Variants in DPP10 observed in about 807,000 individuals in gnomAD.
DPP10 encodes dipeptidyl peptidase like 10.
DPP10 carries 33 observed loss-of-function variants against 120.9 expected under a neutral mutation model. The ratio of observed to expected loss-of-function variants is 0.27; its 90% CI spans 0.21 to 0.37. The LOEUF is 0.37. Ranked by LOEUF, DPP10 falls within the 10% of genes least tolerant of loss-of-function variation. The probability of loss-of-function intolerance (pLI) is 1.00; values close to 1 mark genes in which losing one functional copy is unlikely to be tolerated. For synonymous variants in DPP10, 337 were observed against 326.1 expected, an observed-to-expected ratio of 1.03 and a Z score of -0.36; for missense variants, 816 against 942.8, an observed-to-expected ratio of 0.87 and a Z score of 1.76.
Position 114,663,271 on chromosome 2 carries a change from T to TATATATATATATAC in DPP10, c.60+220434_60+220435insTATATATATATACA, listed in dbSNP as rs375462897. On this transcript the variant is annotated intron_variant, in intron 1 of 25. Coordinates refer to ENST00000410059, the MANE Select transcript of DPP10 (RefSeq NM_020868.6). ...ATATATATATATATCTATATATATATACACACACATATATGTATACATATA... is the reference window on the plus strand; with the variant it reads ...ATATATATATATATCTATATATATATATATATATATATACACACACACATATATGTATACATATA... 3.5e-3 allele frequency among the ~76,000 whole-genome samples: 518 copies of TATATATATATATAC among 147,158 alleles called. 6 individuals are homozygous for TATATATATATATAC. The highest frequency in any genetic ancestry group is 9.2e-3 in the East Asian group (45 of 4,882).
At chr2:114,497,155 G>C (rs571051579) in intron 1 of DPP10, among the ~76,000 whole-genome samples, 2 of 143,168 alleles carry the variant, frequency 1.4e-5, no homozygotes, top group African/African-American at 5.7e-5. Flanking sequence ...GTGTATACAT[G>C]TAGGTGTACA....
chr2:115,486,297 T>A (rs1459619053), intron 3 of DPP10, among the ~76,000 whole-genome samples: 1 of 152,102 alleles, frequency 6.6e-6, no homozygotes, highest in Non-Finnish European at 1.5e-5. Flanking sequence ...TCCATTCAAC[T>A]GAAATGCTAA....
intron 3 of DPP10, chr2:115,468,957 C>G (rs1346560358): frequency 5.5e-6 from 1 of 180,906 alleles, no homozygotes; most frequent in East Asian, 1.8e-4. Flanking sequence ...TTCATAGATA[C>G]TTTTTTTTTT....
chr2:115,271,990 A>G (rs2059718568), intron 1 of DPP10, among the ~76,000 whole-genome samples: 1 of 152,334 alleles, frequency 6.6e-6, no homozygotes, highest in African/African-American at 2.4e-5. Context: ...AGAATGCTCA[A>G]TATGAGCATA....
At chr2:115,063,949 C>T (rs1344081034) in intron 1 of DPP10, among the ~76,000 whole-genome samples, 3 of 151,996 alleles carry the variant, frequency 2.0e-5, no homozygotes, top group Non-Finnish European at 4.4e-5. Flanking sequence ...TTGTCTCATT[C>T]ATCTTTTTTT....
chr2:115,236,854 A>G (rs954745758), intron 1 of DPP10, among the ~76,000 whole-genome samples: 2 of 152,164 alleles, frequency 1.3e-5, no homozygotes, highest in African/African-American at 4.8e-5. Flanking sequence ...CCTGTTAAGG[A>G]AAATAGTGTT....
intron 1 of DPP10, among the ~76,000 whole-genome samples, chr2:114,963,688 G>C (rs1254602054): frequency 6.6e-6 from 1 of 152,118 alleles, no homozygotes; most frequent in Non-Finnish European, 1.5e-5. Flanking sequence ...GTCTCAGCAG[G>C]GGCTGAGCTA....
chr2:115,167,711 T>A (rs553259375), intron 1 of DPP10, among the ~76,000 whole-genome samples: 1 of 152,288 alleles, frequency 6.6e-6, no homozygotes, highest in East Asian at 1.9e-4. Flanking sequence ...TTAGTATGAT[T>A]ACACATGAGT....
chr2:115,375,819 CAGA>C (rs2065752080), intron 3 of DPP10, among the ~76,000 whole-genome samples: 1 of 152,268 alleles, frequency 6.6e-6, no homozygotes, highest in South Asian at 2.1e-4. Context: ...TTTAAACCAT[CAGA>C]ACTCATGAGA....
intron 1 of DPP10, among the ~76,000 whole-genome samples, chr2:114,538,336 C>T (rs1188794331): frequency 1.3e-5 from 2 of 152,108 alleles, no homozygotes; most frequent in African/African-American, 4.8e-5. Context: ...TTTGTTATCC[C>T]ATCAGCTCAG....
At chr2:115,802,581 T>C (rs2149979304) in intron 19 of DPP10, among the ~76,000 whole-genome samples, 1 of 152,330 alleles carries the variant, frequency 6.6e-6, no homozygotes, top group East Asian at 1.9e-4. Flanking sequence ...GCTATAAATT[T>C]CCCTCTACAC....
intron 1 of DPP10, among the ~76,000 whole-genome samples, chr2:115,193,240 T>A (rs1230423389): frequency 2.0e-5 from 3 of 152,214 alleles, no homozygotes; most frequent in Non-Finnish European, 4.4e-5. Flanking sequence ...TCCCTTTTTT[T>A]AAACAACCAG....
At chr2:115,194,721 T>A (rs990313452) in intron 1 of DPP10, among the ~76,000 whole-genome samples, 6 of 152,152 alleles carry the variant, frequency 3.9e-5, no homozygotes, top group Admixed American at 1.3e-4. Flanking sequence ...AATTCTAAAA[T>A]TTTTTAAGTT....
At chr2:114,889,478 A>C (rs199691904) in intron 1 of DPP10, among the ~76,000 whole-genome samples, 26,450 of 151,612 alleles carry the variant, frequency 0.17, 2,865 homozygotes, top group East Asian at 0.25. Context: ...TGAACCTAGC[A>C]AAATTATCAC....
chr2:114,947,706 A>C (rs1483529197), intron 1 of DPP10, among the ~76,000 whole-genome samples: 1 of 152,024 alleles, frequency 6.6e-6, no homozygotes, highest in Admixed American at 6.6e-5. Context: ...TAGTTAGATG[A>C]CATTTCTGAG....
chr2:115,751,959 C>G (rs964348441), intron 10 of DPP10, among the ~76,000 whole-genome samples: 3 of 139,720 alleles, frequency 2.1e-5, no homozygotes, highest in African/African-American at 8.1e-5. Context: ...CCACAACACC[C>G]GGCTAATTTT....
intron 1 of DPP10, among the ~76,000 whole-genome samples, chr2:114,590,680 G>A (rs1011582121): frequency 8.5e-5 from 13 of 152,132 alleles, no homozygotes; most frequent in Non-Finnish European, 1.9e-4. Context: ...GGAAAGAGAG[G>A]CATAGTACAG....
intron 5 of DPP10, among the ~76,000 whole-genome samples, chr2:115,536,653 G>C: frequency 1.3e-5 from 2 of 152,104 alleles, no homozygotes; most frequent in Non-Finnish European, 2.9e-5. Context: ...GGTTTATGAT[G>C]CTATTTTATA....
chr2:115,510,153 C>T (rs1170637839), intron 4 of DPP10, among the ~76,000 whole-genome samples: 1 of 152,056 alleles, frequency 6.6e-6, no homozygotes, highest in Non-Finnish European at 1.5e-5. Context: ...TGTTGTCTTT[C>T]ACTTTCTGAT....
Sources: allele counts gnomAD v4.1 joint callset (sites outside exome capture counted in the v4.1 genomes callset), GRCh38; gene constraint gnomAD v4.1.1; transcripts MANE v1.5; gene names NCBI Gene and HGNC (gene_info 2026-07-23, HGNC 2026-07-21).